ITGB2: variants seen among roughly 807,000 people sequenced by gnomAD.
The protein encoded by ITGB2 is integrin beta-2.
Under a neutral mutation model 86.8 loss-of-function variants are expected in ITGB2, and 56 were observed. The ratio of observed to expected loss-of-function variants is 0.65; its 90% CI spans 0.52 to 0.81. ITGB2 has a LOEUF of 0.81. Among genes scored for constraint, ITGB2 ranks in the 30% least tolerant of loss-of-function variants. The probability of loss-of-function intolerance (pLI) is 0.00; values close to 1 mark genes in which losing one functional copy is unlikely to be tolerated. For missense variants in ITGB2, 948 were observed against 1,061.2 expected, an observed-to-expected ratio of 0.89 and a Z score of 1.48; for synonymous variants, 457 against 450.4, an observed-to-expected ratio of 1.01 and a Z score of -0.19.
At chr21:44,889,939 G>A (rs777553794) in intron 12 of ITGB2, 39 bp downstream of exon 12, 101 of 1,610,832 alleles carry the variant, frequency 6.3e-5, no homozygotes, top group Middle Eastern at 1.7e-4. Flanking sequence ...AGTCTGTGCC[G>A]CAGGACGGCC....
intron 10 of ITGB2, 122 bp downstream of exon 10, chr21:44,893,282 C>T (rs1388457291): frequency 6.5e-6 from 8 of 1,236,390 alleles, no homozygotes; most frequent in Non-Finnish European, 8.2e-6. Context: ...GGATGGGGAC[C>T]CTGGCTCCTT....
rs1463083072 is a variant in ITGB2 at position 44,892,146 on chromosome 21, A to G, written c.1225-150T>C. The G allele has an allele frequency of 8.8e-6, 7 of 799,490 alleles. No homozygotes were observed. In the East Asian group the frequency reaches 1.6e-4, roughly 18 times the overall value. The allele number at this position is 799,490 out of a possible 1,614,324, so 49.5% of individuals were successfully genotyped here. A position where few individuals can be genotyped will look rare whatever the true frequency, so the allele number is the denominator to read the frequency against. On this transcript the variant is annotated intron_variant, in intron 10 of 15. Coordinates refer to ENST00000652462, the MANE Select transcript of ITGB2 (RefSeq NM_000211.5). ...CCAGGAGCAGGAAGAGCTGATGCTC[A>G]GATCCGAGAGCCAAAGTCAGCCGGC...
At chr21:44,920,033 C>G (rs991393676) in intron 1 of ITGB2, among the ~76,000 whole-genome samples, 13 of 152,166 alleles carry the variant, frequency 8.5e-5, no homozygotes, top group African/African-American at 2.7e-4. Flanking sequence ...GCTGAACCAA[C>G]TCGACCAGAA....
At position 44,907,077 on chromosome 21, in the gene ITGB2, C is replaced by A; in HGVS notation, c.166G>T (p.Asp56Tyr). ...CQKLNFTGPG[D>Y]PDSIRCDTRP... ...GTGTCGCAGCGAATGGAGTCAGGAT[C>A]CCCCGGCCCTGTGAAGTTCTGGGGA... Residue 56 changes from aspartate (D) to tyrosine (Y), a missense_variant, in exon 4 of 16, where the codon GAT (aspartate) becomes TAT (tyrosine). By Grantham distance (160) the Asp-to-Tyr change is radical. Coordinates refer to ENST00000652462, the MANE Select transcript of ITGB2 (RefSeq NM_000211.5). The A allele has an allele frequency of 6.2e-7, 1 of 1,604,344 alleles. No homozygotes were observed. The highest frequency in any genetic ancestry group is 1.1e-5 in the South Asian group (1 of 90,550).
At chr21:44,895,532 A>AAAAAC (rs1009386588) in intron 8 of ITGB2, among the ~76,000 whole-genome samples, 3 of 151,912 alleles carry the variant, frequency 2.0e-5, no homozygotes, top group East Asian at 1.9e-4. Context: ...CTTGTCTCAA[A>AAAAAC]AAAACAAAAC....
At chr21:44,916,163 C>T (rs564324686) in intron 1 of ITGB2, among the ~76,000 whole-genome samples, 65 of 152,204 alleles carry the variant, frequency 4.3e-4, no homozygotes, top group African/African-American at 1.3e-3. Flanking sequence ...CCTCGTGATC[C>T]GCCTGCCTCG....
At chr21:44,914,419 T>TC (rs988371472) in intron 1 of ITGB2, 4 of 152,054 alleles carry the variant, frequency 2.6e-5, no homozygotes, top group African/African-American at 9.7e-5. Flanking sequence ...AGGTCATCCT[T>TC]CCCCGGAGAA....
chr21:44,893,680 G>T (rs2083823399), intron 9 of ITGB2, 136 bp from the exon 10 acceptor site: 1 of 1,189,962 alleles, frequency 8.4e-7, no homozygotes, highest in African/African-American at 1.5e-5. Flanking sequence ...ACAGAGGAGA[G>T]CACAGCAGGA....
intron 9 of ITGB2, chr21:44,894,603 G>A (rs2083837104): frequency 2.8e-6 from 1 of 352,922 alleles, no homozygotes; most frequent in Non-Finnish European, 5.5e-6. Flanking sequence ...TCTTCCCAGG[G>A]CCCAAGTCCA....
intron 4 of ITGB2, among the ~76,000 whole-genome samples, chr21:44,904,587 T>C (rs546894574): frequency 4.7e-5 from 7 of 149,996 alleles, no homozygotes; most frequent in East Asian, 2.0e-4. Context: ...GCACACATAC[T>C]ATATGTACTT....
intron 8 of ITGB2, among the ~76,000 whole-genome samples, 164 bp downstream of exon 8, chr21:44,898,903 G>C (rs1394772874): frequency 6.6e-6 from 1 of 152,196 alleles, no homozygotes; most frequent in Non-Finnish European, 1.5e-5. Context: ...TCCCCGACGG[G>C]AAGCCTCGGG....
rs765646984 is a variant in ITGB2, at chr21:44,910,273, G to A, written c.147+11C>T. ...GCTGGGCAGGTGGGGAGGGGTCCAG[G>A]AGGCACTTACCAGCTTCTGGCACCA... is the stretch of plus-strand genomic sequence containing the variant. On this transcript the variant is annotated intron_variant, in intron 3 of 15. Coordinates refer to ENST00000652462, the MANE Select transcript of ITGB2 (RefSeq NM_000211.5). 6 of 1,613,284 alleles carry A rather than the reference G, an allele frequency of 3.7e-6. No individual in the cohort carries two copies. The highest frequency in any genetic ancestry group is 5.1e-6 in the Non-Finnish European group (6 of 1,179,794).
chr21:44,901,813 A>C, intron 5 of ITGB2, 80 bp from the exon 6 acceptor site: 1 of 1,483,544 alleles, frequency 6.7e-7, no homozygotes, highest in East Asian at 2.3e-5. Flanking sequence ...GCACGAGGGC[A>C]AGCCTGTTTC....
In ITGB2 at chr21:44,899,099, C is replaced by T. The variant is rs377140902; in HGVS notation, c.961G>A (p.Ala321Thr). 163 of 1,614,174 alleles carry T rather than the reference C, an allele frequency of 1.0e-4. No individual in the cohort carries two copies. The highest frequency in any genetic ancestry group is 1.3e-4 in the Non-Finnish European group (149 of 1,179,998). Residue 321 changes from alanine to threonine, a missense_variant, in exon 8 of 16, where the codon GCG becomes ACG. By Grantham distance (58) the Ala-to-Thr change is moderately conservative. Transcript: ENST00000652462. Reference sequence around the variant, plus strand: ...GTCTTCACCATCCTACTGGTCACCGCGAAGATGGGCTGGATGTTGTTTTCA... The same window carrying T: ...GTCTTCACCATCCTACTGGTCACCGTGAAGATGGGCTGGATGTTGTTTTCA... The part of the protein sequence containing the change: ...LAENNIQPIF[A>T]VTSRMVKTYE...
intron 1 of ITGB2, among the ~76,000 whole-genome samples, chr21:44,927,456 A>G (rs1181847585): frequency 6.6e-6 from 1 of 151,836 alleles, no homozygotes; most frequent in Non-Finnish European, 1.5e-5. Context: ...CCCCACGAGG[A>G]CCCTGGGGCC....
intron 3 of ITGB2, among the ~76,000 whole-genome samples, chr21:44,907,510 C>G (rs1013913692): frequency 6.6e-6 from 1 of 152,214 alleles, no homozygotes; most frequent in African/African-American, 2.4e-5. Context: ...CCCCAAGAAA[C>G]CCAGAACATG....
In ITGB2 at chr21:44,886,696, C is replaced by T. The variant is rs200806837; in HGVS notation, c.2247+40G>A. The T allele has an allele frequency of 1.2e-5, 19 of 1,612,634 alleles. No homozygotes were observed. The East Asian group carries it at 1.3e-4, about 11-fold the overall frequency. ...AGGAGGTCGCATAGTGTGGGACGCA[C>T]GTGCCCCTCTGCGTGGGACCCCCAA... On this transcript the variant is annotated intron_variant, in intron 15 of 15. Transcript: ENST00000652462.
At chr21:44,912,198 C>G (rs2084143903) in intron 1 of ITGB2, among the ~76,000 whole-genome samples, 1 of 152,202 alleles carries the variant, frequency 6.6e-6, no homozygotes, top group Non-Finnish European at 1.5e-5. Context: ...GGCAGGGCCA[C>G]CCAAGGTTCA....
At chr21:44,923,566 T>G (rs56140450), upstream of ITGB2, among the ~76,000 whole-genome samples, 31,075 of 152,048 alleles carry the variant, frequency 0.2, 3,273 homozygotes, top group East Asian at 0.33. Context: ...GCTTCACTAA[T>G]CTATTCTCTC....
Sources: allele counts gnomAD v4.1 joint callset (sites outside exome capture counted in the v4.1 genomes callset), GRCh38; gene constraint gnomAD v4.1.1; transcripts MANE v1.5; gene names NCBI Gene and HGNC (gene_info 2026-07-23, HGNC 2026-07-21).